CLEC2L: variants seen among roughly 807,000 people sequenced by gnomAD.
CLEC2L encodes the protein C-type lectin domain family 2, member L.
In CLEC2L, 14 loss-of-function variants were observed where a neutral mutation model predicts 23.6. That is an observed-to-expected ratio of 0.59 (90% CI 0.39 to 0.93). CLEC2L has a LOEUF of 0.93. Ranked by LOEUF, CLEC2L falls within the 40% of genes least tolerant of loss-of-function variation. The pLI, the probability that CLEC2L is intolerant of heterozygous loss-of-function variation, is 0.00. For synonymous variants in CLEC2L, 114 were observed against 121.3 expected, an observed-to-expected ratio of 0.94 and a Z score of 0.40; for missense variants, 264 against 282.4, an observed-to-expected ratio of 0.93 and a Z score of 0.47.
intron 2 of CLEC2L, among the ~76,000 whole-genome samples, chr7:139,538,592 C>CA (rs911039973): frequency 6.6e-6 from 1 of 150,708 alleles, no homozygotes; most frequent in African/African-American, 2.4e-5. Flanking sequence ...ACTAAAAATA[C>CA]AAAAAAATTA....
intron 1 of CLEC2L, among the ~76,000 whole-genome samples, chr7:139,528,002 G>A (rs1187057622): frequency 1.3e-5 from 2 of 152,096 alleles, no homozygotes; most frequent in African/African-American, 2.4e-5. Context: ...CTGGGAGTCA[G>A]GTTTTTTCAG....
rs763685212 is a variant in CLEC2L at position 139,542,037 on chromosome 7, T to G, written c.449T>G (p.Phe150Cys). The G allele has an allele frequency of 6.2e-7, 1 of 1,612,372 alleles. No individual in the cohort carries two copies. Among genetic ancestry groups the G allele is most frequent in the Non-Finnish European group, 8.5e-7 (1 of 1,179,286 alleles). ...SQKELEFMFK[F>C]TRREPWIGLR... ...TCGGTGCAGGAATTTATGTTCAAGTTCACGCGGAGGGAGCCCTGGATTGGA... is the reference window on the plus strand; with the variant it reads ...TCGGTGCAGGAATTTATGTTCAAGTGCACGCGGAGGGAGCCCTGGATTGGA... The change falls in exon 4 of 5, where the codon TTC becomes TGC. Residue 150 changes from phenylalanine to cysteine, a missense_variant. Transcript: ENST00000422142.
intron 2 of CLEC2L, among the ~76,000 whole-genome samples, chr7:139,537,874 A>T (rs1482084439): frequency 6.6e-6 from 1 of 152,246 alleles, no homozygotes; most frequent in Admixed American, 6.5e-5. Context: ...TAAATGAAAA[A>T]GGTAGAAACT....
chr7:139,534,379 G>C, intron 1 of CLEC2L: 1 of 930,028 alleles, frequency 1.1e-6, no homozygotes, highest in East Asian at 2.4e-5. Flanking sequence ...AATCCCAACA[G>C]TCCCTCTATC....
intron 1 of CLEC2L, among the ~76,000 whole-genome samples, chr7:139,534,889 TG>T (rs1289117447): frequency 1.3e-5 from 2 of 151,062 alleles, no homozygotes; most frequent in African/African-American, 4.9e-5. Context: ...CAAGATGGGG[TG>T]GGGGATGGAA....
intron 1 of CLEC2L, chr7:139,534,205 G>A: frequency 2.5e-6 from 2 of 787,874 alleles, no homozygotes; most frequent in Admixed American, 1.7e-5. Context: ...TAGCAGCGGT[G>A]GTGTCGGCAG....
intron 1 of CLEC2L, among the ~76,000 whole-genome samples, chr7:139,533,518 G>A (rs1797609636): frequency 6.6e-6 from 1 of 152,122 alleles, no homozygotes; most frequent in African/African-American, 2.4e-5. Flanking sequence ...ACCACACCCG[G>A]TTAATTTCTG....
At chr7:139,530,405 G>A (rs1459522648) in intron 1 of CLEC2L, among the ~76,000 whole-genome samples, 3 of 152,304 alleles carry the variant, frequency 2.0e-5, no homozygotes, top group East Asian at 3.9e-4. Context: ...AGTGCTTGAA[G>A]ATGGGGCTGA....
intron 4 of CLEC2L, among the ~76,000 whole-genome samples, chr7:139,544,020 G>A (rs1049396886): frequency 1.3e-5 from 2 of 152,198 alleles, no homozygotes; most frequent in Non-Finnish European, 2.9e-5. Context: ...TCTCAGCAGC[G>A]TGCCAGGGTG....
At chr7:139,529,865 G>T (rs192576825) in intron 1 of CLEC2L, among the ~76,000 whole-genome samples, 2 of 152,134 alleles carry the variant, frequency 1.3e-5, no homozygotes, top group Non-Finnish European at 2.9e-5. Context: ...TCAGGAGTTT[G>T]AGACCAATCT....
chr7:139,538,782 A>G (rs1165929968), intron 2 of CLEC2L, among the ~76,000 whole-genome samples: 2 of 152,000 alleles, frequency 1.3e-5, no homozygotes, highest in African/African-American at 4.8e-5. Flanking sequence ...AAACAAACAA[A>G]CAAACAAAAA....
intron 4 of CLEC2L, among the ~76,000 whole-genome samples, chr7:139,542,438 G>A (rs941993094): frequency 7.9e-5 from 12 of 152,196 alleles, no homozygotes; most frequent in African/African-American, 1.9e-4. Flanking sequence ...TCAGTGTGGC[G>A]CAACCACATC....
chr7:139,536,579 T>C (rs867471728), intron 2 of CLEC2L, among the ~76,000 whole-genome samples: 1 of 152,104 alleles, frequency 6.6e-6, no homozygotes, highest in African/African-American at 2.4e-5. Context: ...AGATGTTACT[T>C]AGGTATTATT....
chr7:139,539,143 A>G lies in CLEC2L; in HGVS notation c.266-1178A>G, dbSNP rs1400481663. ...GTCTACATTTTAATCAATCACTTGTATGAAAACAAACAAAAAGTATGCTTA... is the reference window on the plus strand; with the variant it reads ...GTCTACATTTTAATCAATCACTTGTGTGAAAACAAACAAAAAGTATGCTTA... On this transcript the variant is annotated intron_variant, in intron 2 of 4. Coordinates refer to ENST00000422142, the MANE Select transcript of CLEC2L (RefSeq NM_001080511.4). The surrounding 1 kb of genome is among the most constrained non-coding windows in gnomAD (Gnocchi z 4.1). 6.6e-6 allele frequency: 1 copy of G among 152,206 alleles called. No homozygotes were observed. The highest frequency in any genetic ancestry group is 1.5e-5 in the Non-Finnish European group (1 of 68,036). The allele number at this position is 152,206 out of a possible 1,614,324, so 9.4% of individuals were successfully genotyped here. A position where few individuals can be genotyped will look rare whatever the true frequency, so the allele number is the denominator to read the frequency against.
chr7:139,532,297 G>C (rs769613146), intron 1 of CLEC2L, among the ~76,000 whole-genome samples: 1 of 152,208 alleles, frequency 6.6e-6, no homozygotes, highest in South Asian at 2.1e-4. Flanking sequence ...CCTTGGATTT[G>C]TGCAGTGCAG....
At position 139,540,455 on chromosome 7, in the gene CLEC2L, G is replaced by A. The variant is rs749346785; in HGVS notation, c.400G>A (p.Val134Met). 6.3e-7 allele frequency: 1 copy of A among 1,599,494 alleles called. No individual in the cohort carries two copies. Among genetic ancestry groups the A allele is most frequent in the Non-Finnish European group, 8.5e-7 (1 of 1,173,374 alleles). The change falls in exon 3 of 5, where the codon GTG becomes ATG. Residue 134 changes from valine (V) to methionine (M), a missense_variant. Physicochemically the swap from Val to Met is conservative, Grantham distance 21. Transcript: ENST00000422142. The surrounding 1 kb of genome is among the most constrained non-coding windows in gnomAD (Gnocchi z 5.8). ...GRQYCHTHEA[V>M]LAVIQSQKEL... ...GCAGTACTGCCACACCCACGAGGCG[G>A]TGCTGGCTGTGATTCAGAGCCAGAA... is the stretch of plus-strand genomic sequence containing the variant.
chr7:139,534,174 T>G (rs533926972), intron 1 of CLEC2L: 1 of 721,554 alleles, frequency 1.4e-6, no homozygotes, highest in South Asian at 1.5e-5. Context: ...GAGTTAGTCT[T>G]TCCTCAGAAA....
At position 139,523,988 on chromosome 7, in the gene CLEC2L, C is replaced by G; in HGVS notation, c.61C>G (p.Pro21Ala). The change falls in exon 1 of 5, where the codon CCC (proline) becomes GCC (alanine). Residue 21 changes from proline (P) to alanine (A), a missense_variant. Pro to Ala is a conservative substitution (Grantham distance 27, BLOSUM62 -1). Coordinates refer to ENST00000422142, the MANE Select transcript of CLEC2L (RefSeq NM_001080511.4). The surrounding 1 kb of genome is among the most constrained non-coding windows in gnomAD (Gnocchi z 4.1). ...GCCGCCGCCGCCCCTCGCCGCGCGCCCCGCGCCCGCCCCCGCCGCCCCCAG... is the reference window on the plus strand; with the variant it reads ...GCCGCCGCCGCCCCTCGCCGCGCGCGCCGCGCCCGCCCCCGCCGCCCCCAG... ...ARPPPPLAAR[P>A]APAPAAPRPR... 2.0e-6 allele frequency: 2 copies of G among 999,934 alleles called. No homozygotes were observed. Among genetic ancestry groups the G allele is most frequent in the Non-Finnish European group, 2.4e-6 (2 of 838,762 alleles). 61.9% of individuals were successfully genotyped at this position (999,934 alleles called of 1,614,324 possible).
intron 1 of CLEC2L, among the ~76,000 whole-genome samples, chr7:139,525,415 A>G (rs115966776): frequency 0.011 from 1,622 of 152,282 alleles, 30 homozygotes; most frequent in African/African-American, 0.036. Context: ...AGGGCTGTGC[A>G]GACTCTGAAG....
Sources: allele counts gnomAD v4.1 joint callset (sites outside exome capture counted in the v4.1 genomes callset), GRCh38; gene constraint gnomAD v4.1.1; non-coding constraint Gnocchi (gnomAD v3.1); transcripts MANE v1.5; gene names NCBI Gene and HGNC (gene_info 2026-07-23, HGNC 2026-07-21).